GK: variants seen among roughly 807,000 people sequenced by gnomAD.
GK encodes the protein glycerol kinase, also known as ATP:glycerol 3-phosphotransferase.
In GK, 9 loss-of-function variants were observed where a neutral mutation model predicts 56.4. The ratio of observed to expected loss-of-function variants is 0.16; its 90% CI spans 0.10 to 0.28. GK has a LOEUF of 0.28. GK is among the 10% of genes least tolerant of loss of function. The pLI, the probability that GK is intolerant of heterozygous loss-of-function variation, is 1.00. For missense variants in GK, 161 were observed against 431.4 expected (o/e 0.37, Z 5.55); for synonymous variants, 104 against 144.1 (o/e 0.72, Z 1.99).
At chrX:30,721,229 T>C in intron 18 of GK, 1 of 428,893 alleles carries the variant, frequency 2.3e-6, no homozygotes, top group South Asian at 3.3e-5. Flanking sequence ...TTGCTTTTAC[T>C]GTTTATGGTC....
chrX:30,719,349 A>G, intron 14 of GK, 70 bp from the exon 15 acceptor site: 3 of 697,066 alleles, frequency 4.3e-6, no homozygotes, highest in Middle Eastern at 4.7e-4. Context: ...CTAATTTTTA[A>G]AATAGGTATG....
rs191025366 is a variant in GK, at chrX:30,669,096, A to T, written c.259+978A>T. ...TAGGTTGTGGGGAAGGGGTATTTGG[A>T]ATCCAAACTCTTCACTTCTAAAATT... is the stretch of plus-strand genomic sequence containing the variant. On this transcript the variant is annotated intron_variant, in intron 3 of 20. Transcript: ENST00000427190. Among the ~76,000 whole-genome samples the T allele has an allele frequency of 3.6e-5, 4 of 110,581 alleles. No homozygotes were observed. The Admixed American group carries it at 3.9e-4, about 11-fold the overall frequency.
In GK at chrX:30,664,021, TATATATATTTTATAG is replaced by T. The variant is rs1175362139; in HGVS notation, c.79-1475_79-1461del. On this transcript the variant is annotated intron_variant, in intron 1 of 20. Coordinates refer to ENST00000427190, the MANE Select transcript of GK (RefSeq NM_001205019.2). The stretch of plus-strand genomic sequence containing the variant: ...TATAGATATATATTTTATATATATC[TATATATATTTTATAG>T]ATATATATTTTATATATATCTATAT... Among the ~76,000 whole-genome samples, 71 of 90,601 alleles carry T rather than the reference TATATATATTTTATAG, an allele frequency of 7.8e-4. 1 individual carries two copies. The highest frequency in any genetic ancestry group is 2.8e-3 in the African/African-American group (67 of 24,164). 78.7% of individuals were successfully genotyped at this position (90,601 alleles called of 115,157 possible).
intron 13 of GK, among the ~76,000 whole-genome samples, chrX:30,718,226 T>C (rs1391403058): frequency 3.6e-5 from 4 of 112,121 alleles, no homozygotes; most frequent in Non-Finnish European, 5.6e-5. Flanking sequence ...AGTGATAACA[T>C]ACCTCAGTAG....
At chrX:30,716,692 A>G (rs1200031157) in intron 13 of GK, among the ~76,000 whole-genome samples, 1 of 111,939 alleles carries the variant, frequency 8.9e-6, no homozygotes, top group East Asian at 2.8e-4. Flanking sequence ...TTTGAATCTT[A>G]AATCTCTTTA....
intron 4 of GK, among the ~76,000 whole-genome samples, chrX:30,685,445 T>C (rs1481358594): frequency 8.9e-6 from 1 of 112,362 alleles, no homozygotes; most frequent in African/African-American, 3.2e-5. Context: ...AAGTATTTTT[T>C]TTCAATTAGT....
At chrX:30,702,021 T>C (rs1028273669) in intron 11 of GK, among the ~76,000 whole-genome samples, 1 of 110,983 alleles carries the variant, frequency 9.0e-6, no homozygotes, top group Non-Finnish European at 1.9e-5. Context: ...TATTTATTTA[T>C]TTATTTTTAC....
chrX:30,672,351 C>G (rs960090192), intron 3 of GK, among the ~76,000 whole-genome samples: 1 of 110,020 alleles, frequency 9.1e-6, no homozygotes, highest in Non-Finnish European at 1.9e-5. Context: ...CTTGCCCTAC[C>G]CAACATATTC....
At chrX:30,725,798 C>T (rs1937103078) in intron 19 of GK, among the ~76,000 whole-genome samples, 1 of 109,982 alleles carries the variant, frequency 9.1e-6, no homozygotes, top group Non-Finnish European at 1.9e-5. Context: ...ATTACAGGTG[C>T]CTGCCACCGT....
At chrX:30,675,139 T>C (rs1456255332) in intron 3 of GK, among the ~76,000 whole-genome samples, 1 of 111,380 alleles carries the variant, frequency 9.0e-6, no homozygotes, top group African/African-American at 3.3e-5. Flanking sequence ...ATTACCCTTA[T>C]TCTATATATC....
At position 30,729,053 on chromosome X, in the gene GK, T is replaced by G; in HGVS notation, c.*311T>G. The G allele has an allele frequency of 3.3e-6, 1 of 303,202 alleles. No individual in the cohort carries two copies. The highest frequency in any genetic ancestry group is 5.8e-6 in the Non-Finnish European group (1 of 171,290). 25.0% of individuals were successfully genotyped at this position (303,202 alleles called of 1,213,427 possible). Reference sequence around the variant, plus strand: ...CATTCCCTCTAAGATGTAGGAAGAATTCGGATCCTTACCATTGGAATCTTC... The same window carrying G: ...CATTCCCTCTAAGATGTAGGAAGAAGTCGGATCCTTACCATTGGAATCTTC... On this transcript the variant is annotated 3_prime_UTR_variant, in exon 21 of 21. Transcript: ENST00000427190.
Position 30,684,666 on chromosome X carries a change from C to CAAAA in GK, c.338-6432_338-6429dup, listed in dbSNP as rs60771873. Among the ~76,000 whole-genome samples, 264 of 32,399 alleles carry CAAAA rather than the reference C, an allele frequency of 8.1e-3. 24 individuals are homozygous for CAAAA. The highest frequency in any genetic ancestry group is 0.026 in the Middle Eastern group (1 of 38). The allele number at this position is 32,399 out of a possible 115,157, so 28.1% of individuals were successfully genotyped here. ...GGGCAACAAGAGCAAAACTCCATCT[C>CAAAA]AAAAAAAAAAAAAAAAAAAAAAAAA... is the stretch of plus-strand genomic sequence containing the variant. On this transcript the variant is annotated intron_variant, in intron 4 of 20. Transcript: ENST00000427190.
intron 3 of GK, among the ~76,000 whole-genome samples, chrX:30,669,078 T>TG (rs1393351144): frequency 9.0e-6 from 1 of 110,635 alleles, no homozygotes; most frequent in Admixed American, 9.7e-5. Flanking sequence ...GAGTAGGTTG[T>TG]GGGGAAGGGG....
At chrX:30,662,489 T>TA (rs1334223108) in intron 1 of GK, among the ~76,000 whole-genome samples, 8 of 111,485 alleles carry the variant, frequency 7.2e-5, no homozygotes, top group African/African-American at 2.3e-4. Context: ...AAATAGAATT[T>TA]ACCAAAATCC....
intron 1 of GK, among the ~76,000 whole-genome samples, chrX:30,661,974 C>A (rs1407426050): frequency 1.8e-5 from 2 of 112,342 alleles, no homozygotes; most frequent in Non-Finnish European, 3.8e-5. Flanking sequence ...ACATCATTAG[C>A]CTTCTTTGTA....
chrX:30,712,059 A>C (rs1164018702), intron 13 of GK, among the ~76,000 whole-genome samples: 1 of 112,477 alleles, frequency 8.9e-6, no homozygotes, highest in Non-Finnish European at 1.9e-5. Flanking sequence ...TGAGTCACTT[A>C]GTATGTATTT....
At chrX:30,708,424 G>A (rs1393200550) in intron 13 of GK, among the ~76,000 whole-genome samples, 1 of 108,173 alleles carries the variant, frequency 9.2e-6, no homozygotes, top group East Asian at 2.9e-4. Context: ...TATCTCTAAA[G>A]TTTAATCGGA....
At chrX:30,665,406 T>C (rs1933005004) in intron 1 of GK, 105 bp from the exon 2 acceptor site, 1 of 529,281 alleles carries the variant, frequency 1.9e-6, no homozygotes, top group Admixed American at 2.7e-5. Flanking sequence ...TTTCATCTAA[T>C]TGGACTTTTT....
intron 4 of GK, among the ~76,000 whole-genome samples, chrX:30,679,327 C>T (rs1271609787): frequency 1.9e-5 from 2 of 106,557 alleles, no homozygotes; most frequent in East Asian, 3.0e-4. Context: ...AAGTGATTTT[C>T]GTGCCTCGGC....
Sources: allele counts gnomAD v4.1 joint callset (sites outside exome capture counted in the v4.1 genomes callset), GRCh38; gene constraint gnomAD v4.1.1; transcripts MANE v1.5; gene names NCBI Gene and HGNC (gene_info 2026-07-23, HGNC 2026-07-21).